Variants in FGF18 observed in about 807,000 individuals in gnomAD.
FGF18 encodes the protein fibroblast growth factor 18.
A neutral mutation model predicts 23.0 loss-of-function variants in FGF18; 5 were observed. The observed-to-expected ratio is 0.22, with a 90% confidence interval of 0.11 to 0.46. FGF18 has a LOEUF of 0.46. FGF18 is among the 20% of genes least tolerant of loss of function. FGF18 has a pLI of 0.99. For synonymous variants in FGF18, 117 were observed against 118.9 expected (o/e 0.98, Z 0.10); for missense variants, 180 against 291.6 (o/e 0.62, Z 2.79).
intron 4 of FGF18, among the ~76,000 whole-genome samples, chr5:171,450,761 G>C (rs981677770): frequency 1.4e-4 from 21 of 152,046 alleles, no homozygotes; most frequent in Non-Finnish European, 3.1e-4. Context: ...CGGGCGCCGG[G>C]TCCCCCTAGC....
intron 3 of FGF18, 121 bp from the exon 4 acceptor site, chr5:171,449,026 T>C: frequency 1.4e-6 from 1 of 719,088 alleles, no homozygotes. Context: ...GGCCTCCCCA[T>C]GCCTGATTTT....
intron 3 of FGF18, among the ~76,000 whole-genome samples, chr5:171,443,968 T>C (rs1053584378): frequency 1.3e-5 from 2 of 152,152 alleles, no homozygotes; most frequent in African/African-American, 4.8e-5. Flanking sequence ...TCTTGTTTCA[T>C]GCAGCCTTTT....
chr5:171,420,531 GC>G lies in FGF18; in HGVS notation c.69+92del, dbSNP rs1207199439. ...TTCCCCGGCCGCGCCCCCTCCCTGT[GC>G]CCCACCCCTCCTGGGCGCTGAGCCC... On this transcript the variant is annotated intron_variant, in intron 2 of 4. Transcript: ENST00000274625. 105 of 1,301,266 alleles carry G rather than the reference GC, an allele frequency of 8.1e-5. 2 individuals carry two copies. The Admixed American group carries it at 1.8e-3, about 22-fold the overall frequency. The allele number at this position is 1,301,266 out of a possible 1,614,324, so 80.6% of individuals were successfully genotyped here.
Position 171,420,084 on chromosome 5 carries a change from G to C in FGF18, c.-116G>C, listed in dbSNP as rs1771978032. ...TGCAGCAGCAGCAGCCGGCGAGGAG[G>C]GAGCAGCAGCAGCGGCGGCGGCGGC... On this transcript the variant is annotated 5_prime_UTR_variant, in exon 1 of 5. Transcript: ENST00000274625. 2 of 833,604 alleles carry C rather than the reference G, an allele frequency of 2.4e-6. No homozygotes were observed. The highest frequency in any genetic ancestry group is 3.2e-6 in the Non-Finnish European group (2 of 620,068). The allele number at this position is 833,604 out of a possible 1,614,324, so 51.6% of individuals were successfully genotyped here. A position where few individuals can be genotyped will look rare whatever the true frequency, so the allele number is the denominator to read the frequency against.
intron 2 of FGF18, among the ~76,000 whole-genome samples, chr5:171,429,541 G>A (rs558471251): frequency 6.6e-5 from 10 of 152,364 alleles, no homozygotes; most frequent in Admixed American, 2.0e-4. Context: ...GAGGAGTGAA[G>A]GTCTCCAGTT....
At position 171,442,342 on chromosome 5, in the gene FGF18, C is replaced by G. The variant is rs567744058; in HGVS notation, c.250+6069C>G. Among the ~76,000 whole-genome samples, 182 of 152,284 alleles carry G rather than the reference C, an allele frequency of 1.2e-3. 1 individual carries two copies. The highest frequency in any genetic ancestry group is 4.0e-3 in the African/African-American group (166 of 41,554). ...TTCTCCTCCATTGCCACCTCTCTCTCCCCCTCTCAAGATCTGGTCTGCCTT... is the reference window on the plus strand; with the variant it reads ...TTCTCCTCCATTGCCACCTCTCTCTGCCCCTCTCAAGATCTGGTCTGCCTT... On this transcript the variant is annotated intron_variant, in intron 3 of 4. Transcript: ENST00000274625.
chr5:171,441,899 T>G (rs1772351552), intron 3 of FGF18, among the ~76,000 whole-genome samples: 1 of 152,082 alleles, frequency 6.6e-6, no homozygotes, highest in African/African-American at 2.4e-5. Flanking sequence ...ACTTGGCAAA[T>G]CAGTGTTCCC....
At chr5:171,443,531 T>TTTTTTTTTTC (rs1480484505) in intron 3 of FGF18, among the ~76,000 whole-genome samples, 1 of 115,026 alleles carries the variant, frequency 8.7e-6, no homozygotes, top group Non-Finnish European at 1.9e-5. Context: ...TTTTTTTTTT[T>TTTTTTTTTTC]TAGCAGAGAC....
At chr5:171,433,239 C>G (rs1010791114) in intron 2 of FGF18, among the ~76,000 whole-genome samples, 2 of 152,214 alleles carry the variant, frequency 1.3e-5, no homozygotes, top group Non-Finnish European at 2.9e-5. Flanking sequence ...CCCTGCTGAC[C>G]CTGGGTCACC....
At chr5:171,450,454 C>T (rs1772481320) in intron 4 of FGF18, among the ~76,000 whole-genome samples, 1 of 152,188 alleles carries the variant, frequency 6.6e-6, no homozygotes, top group African/African-American at 2.4e-5. Flanking sequence ...GAGGCTGCCA[C>T]CGCTACCATC....
intron 3 of FGF18, among the ~76,000 whole-genome samples, chr5:171,438,561 C>T (rs1394412283): frequency 1.3e-5 from 2 of 152,024 alleles, no homozygotes; most frequent in Non-Finnish European, 2.9e-5. Context: ...GGGACTAGGC[C>T]TTCTTGGCTT....
At chr5:171,442,747 C>T (rs1772364148) in intron 3 of FGF18, among the ~76,000 whole-genome samples, 1 of 152,246 alleles carries the variant, frequency 6.6e-6, no homozygotes. Context: ...GAGTCTTTCC[C>T]TGCTGTTTCC....
At chr5:171,424,329 G>A (rs1334394831) in intron 2 of FGF18, among the ~76,000 whole-genome samples, 4 of 152,208 alleles carry the variant, frequency 2.6e-5, no homozygotes, top group Admixed American at 2.6e-4. Context: ...TGAGTCCCAG[G>A]AGCAGTGATT....
intron 4 of FGF18, among the ~76,000 whole-genome samples, chr5:171,449,543 G>A (rs1772467908): frequency 6.6e-6 from 1 of 151,986 alleles, no homozygotes; most frequent in African/African-American, 2.4e-5. Flanking sequence ...CTCTCCTGTT[G>A]GGTGTGGAGC....
At position 171,423,531 on chromosome 5, in the gene FGF18, C is replaced by T. The variant is rs78333927; in HGVS notation, c.69+3088C>T. Among the ~76,000 whole-genome samples the T allele has an allele frequency of 3.5e-4, 53 of 151,952 alleles. 1 individual carries two copies. Among genetic ancestry groups the T allele is most frequent in the Non-Finnish European group, 7.3e-5 (5 of 68,036 alleles). ...GCGGGGTGGGGGGGCATCCCCTGGC[C>T]TCTTGTCCCTCCTGCCAGCCCCTTA... On this transcript the variant is annotated intron_variant, in intron 2 of 4. Coordinates refer to ENST00000274625, the MANE Select transcript of FGF18 (RefSeq NM_003862.3).
chr5:171,432,937 C>G (rs1772202045), intron 2 of FGF18, among the ~76,000 whole-genome samples: 1 of 152,230 alleles, frequency 6.6e-6, no homozygotes, highest in Non-Finnish European at 1.5e-5. Flanking sequence ...GGACTTGGGA[C>G]AATAAGCCAT....
At chr5:171,449,981 A>C (rs559274049) in intron 4 of FGF18, among the ~76,000 whole-genome samples, 1 of 151,866 alleles carries the variant, frequency 6.6e-6, no homozygotes, top group South Asian at 2.1e-4. Context: ...GGGTGTTCCA[A>C]TGGAAGGTGT....
intron 2 of FGF18, among the ~76,000 whole-genome samples, chr5:171,420,845 G>T (rs1771994283): frequency 6.6e-6 from 1 of 152,258 alleles, no homozygotes; most frequent in African/African-American, 2.4e-5. Flanking sequence ...ACTTTCAGCC[G>T]AGTGGATTTC....
At chr5:171,452,700 C>G (rs1441355608) in intron 4 of FGF18, among the ~76,000 whole-genome samples, 1 of 152,250 alleles carries the variant, frequency 6.6e-6, no homozygotes, top group South Asian at 2.1e-4. Context: ...CCACCTATTG[C>G]GATCACTGAT....
Sources: gnomAD v4.1 joint callset for allele counts (sites outside exome capture counted in the v4.1 genomes callset) on GRCh38, gnomAD v4.1.1 for gene constraint, MANE v1.5 for transcripts, NCBI Gene and HGNC (gene_info 2026-07-23, HGNC 2026-07-21) for gene names.